The following GRIK4 variants were observed in gnomAD, a reference collection of about 807,000 sequenced individuals.
The protein encoded by GRIK4 is glutamate ionotropic receptor kainate type subunit 4.
GRIK4 carries 40 observed loss-of-function variants against 104.9 expected under a neutral mutation model. The observed-to-expected ratio is 0.38, with a 90% CI of 0.30 to 0.50. The LOEUF is 0.50. Among genes scored for constraint, GRIK4 ranks in the 20% least tolerant of loss-of-function variants. GRIK4 has a pLI of 0.93. For synonymous variants in GRIK4, 485 were observed against 524.9 expected, an observed-to-expected ratio of 0.92 and a Z score of 1.04; for missense variants, 1,047 against 1,308.1, an observed-to-expected ratio of 0.80 and a Z score of 3.08.
Position 120,967,339 on chromosome 11 carries a change from G to A in GRIK4, c.2395+16G>A. The A allele has an allele frequency of 1.9e-6, 3 of 1,603,704 alleles. No individual in the cohort carries two copies. The highest frequency in any genetic ancestry group is 2.2e-5 in the South Asian group (2 of 89,174). ...AGAGCTAAAGGTAAGGACGTTCAGG[G>A]CCATCCTCCTCCTGCCCTAGAGGAC... On this transcript the variant is annotated intron_variant, in intron 19 of 20. Coordinates refer to ENST00000527524, the MANE Select transcript of GRIK4 (RefSeq NM_014619.5). The surrounding 1 kb of genome is among the most constrained non-coding windows in gnomAD (Gnocchi z 4.2).
chr11:120,966,177 G>A (rs1944380360), intron 18 of GRIK4, among the ~76,000 whole-genome samples: 1 of 152,084 alleles, frequency 6.6e-6, no homozygotes, highest in Admixed American at 6.5e-5. Flanking sequence ...GAGGGAAGGA[G>A]GACTGGGAGA....
At position 120,581,190 on chromosome 11, in the gene GRIK4, T is replaced by C. The variant is rs771331488; in HGVS notation, c.-159+69303T>C. Among the ~76,000 whole-genome samples, 4 of 152,230 alleles carry C rather than the reference T, an allele frequency of 2.6e-5. No homozygotes were observed. In the South Asian group the frequency reaches 8.3e-4, roughly 32 times the overall value. ...TCAGATGTGAGATTTGCAAATAATT[T>C]CTCCCAGTCTATGGCTTGTCTTTTC... is the stretch of plus-strand genomic sequence containing the variant. On this transcript the variant is annotated intron_variant, in intron 1 of 20. Coordinates refer to ENST00000527524, the MANE Select transcript of GRIK4 (RefSeq NM_014619.5).
At chr11:120,754,917 G>C (rs1331251778) in intron 3 of GRIK4, among the ~76,000 whole-genome samples, 1 of 151,950 alleles carries the variant, frequency 6.6e-6, no homozygotes, top group Non-Finnish European at 1.5e-5. Context: ...CTATATTCTA[G>C]GTATAACCCC....
intron 13 of GRIK4, among the ~76,000 whole-genome samples, chr11:120,906,394 T>A (rs1942867305): frequency 6.6e-6 from 1 of 152,222 alleles, no homozygotes. Context: ...CATGTGCTGA[T>A]GTGCAAGGTG....
In GRIK4 at chr11:120,517,281, A is replaced by G. The variant is rs561374227; in HGVS notation, c.-159+5394A>G. Among the ~76,000 whole-genome samples the G allele has an allele frequency of 4.0e-5, 6 of 149,430 alleles. No homozygotes were observed. The East Asian group carries it at 1.2e-3, about 29-fold the overall frequency. ...TGTTTAACAGACACTTGTTACAGAG[A>G]TAAATTCAGAGGCTGTGGAGGGTGA... On this transcript the variant is annotated intron_variant, in intron 1 of 20. Coordinates refer to ENST00000527524, the MANE Select transcript of GRIK4 (RefSeq NM_014619.5).
chr11:120,873,740 G>T (rs1003213593), intron 9 of GRIK4: 10 of 212,778 alleles, frequency 4.7e-5, no homozygotes, highest in Non-Finnish European at 8.4e-5. Context: ...CAGGATTCCT[G>T]GTAGCAGTGG....
At chr11:120,563,287 C>T (rs1403634405) in intron 1 of GRIK4, among the ~76,000 whole-genome samples, 2 of 152,076 alleles carry the variant, frequency 1.3e-5, no homozygotes, top group African/African-American at 4.8e-5. Context: ...ACTTGGAAGG[C>T]GGCTGCCTAG....
intron 3 of GRIK4, among the ~76,000 whole-genome samples, chr11:120,728,130 A>G (rs1591839907): frequency 6.6e-6 from 1 of 152,290 alleles, no homozygotes; most frequent in East Asian, 1.9e-4. Flanking sequence ...TAGTAATATA[A>G]CTGGGTTTTA....
At chr11:120,583,064 A>T (rs1257164660) in intron 1 of GRIK4, among the ~76,000 whole-genome samples, 1 of 152,094 alleles carries the variant, frequency 6.6e-6, no homozygotes, top group African/African-American at 2.4e-5. Context: ...GTGTGAGATG[A>T]TATCGCCTTG....
chr11:120,755,089 T>C (rs1298786191), intron 3 of GRIK4, among the ~76,000 whole-genome samples: 1 of 152,224 alleles, frequency 6.6e-6, no homozygotes, highest in Non-Finnish European at 1.5e-5. Context: ...TAATTTGGAA[T>C]GGGTCAGGGC....
chr11:120,695,752 G>A (rs1950437467), intron 3 of GRIK4, among the ~76,000 whole-genome samples: 2 of 152,242 alleles, frequency 1.3e-5, no homozygotes, highest in South Asian at 2.1e-4. Context: ...TAGCAGGGCC[G>A]CCTGGCTGGA....
At chr11:120,581,648 G>A (rs924130463) in intron 1 of GRIK4, among the ~76,000 whole-genome samples, 5 of 152,068 alleles carry the variant, frequency 3.3e-5, no homozygotes, top group South Asian at 2.1e-4. Context: ...CATGTAAGTG[G>A]ACTCATATAG....
chr11:120,815,517 C>T, intron 5 of GRIK4, 42 bp downstream of exon 5: 2 of 1,215,518 alleles, frequency 1.6e-6, no homozygotes, highest in South Asian at 2.9e-5. Context: ...TGTGCTGGAG[C>T]CTGTGCCCAG....
chr11:120,924,448 T>C (rs150143201), intron 13 of GRIK4, among the ~76,000 whole-genome samples: 1 of 151,954 alleles, frequency 6.6e-6, no homozygotes, highest in Non-Finnish European at 1.5e-5. Flanking sequence ...GAAATAGACA[T>C]ATAGAAAAGT....
intron 11 of GRIK4, among the ~76,000 whole-genome samples, chr11:120,895,621 C>T (rs1942558098): frequency 6.6e-6 from 1 of 152,154 alleles, no homozygotes; most frequent in Admixed American, 6.5e-5. Flanking sequence ...GAGACAGCAG[C>T]AGAAACAAGA....
chr11:120,889,848 C>A (rs1311803973), intron 11 of GRIK4, among the ~76,000 whole-genome samples: 1 of 152,080 alleles, frequency 6.6e-6, no homozygotes, highest in African/African-American at 2.4e-5. Context: ...AGGTAATCCG[C>A]CTGCCTTGGC....
At chr11:120,650,928 C>T (rs1323365505) in intron 1 of GRIK4, among the ~76,000 whole-genome samples, 1 of 152,146 alleles carries the variant, frequency 6.6e-6, no homozygotes, top group African/African-American at 2.4e-5. Context: ...AATGTCATTT[C>T]CCACCTTACA....
chr11:120,680,712 G>T (rs1208421013), intron 3 of GRIK4, among the ~76,000 whole-genome samples: 1 of 152,186 alleles, frequency 6.6e-6, no homozygotes, highest in Non-Finnish European at 1.5e-5. Context: ...GGGACTAACT[G>T]AGCTAAGTTA....
chr11:120,815,244 T>C, intron 4 of GRIK4, 134 bp from the exon 5 acceptor site: 2 of 605,714 alleles, frequency 3.3e-6, no homozygotes. Flanking sequence ...TTTCGAAGGG[T>C]TGGAGCAGGG....
Sources: gnomAD v4.1 joint callset for allele counts (sites outside exome capture counted in the v4.1 genomes callset) on GRCh38, gnomAD v4.1.1 for gene constraint, Gnocchi (gnomAD v3.1) non-coding constraint, MANE v1.5 for transcripts, NCBI Gene and HGNC (gene_info 2026-07-23, HGNC 2026-07-21) for gene names.